LDLRAD3: variants seen among roughly 807,000 people sequenced by gnomAD.
LDLRAD3 encodes the protein low density lipoprotein receptor class A domain containing 3.
Under a neutral mutation model 29.4 loss-of-function variants are expected in LDLRAD3, and 20 were observed. The ratio of observed to expected loss-of-function variants is 0.68; its 90% CI spans 0.48 to 0.99. The LOEUF (loss-of-function observed/expected upper bound fraction) is 0.99, where lower values mean the gene tolerates loss of function less well. Among genes scored for constraint, LDLRAD3 ranks in the 50% least tolerant of loss-of-function variants. LDLRAD3 has a pLI of 0.00. For missense variants in LDLRAD3, 420 were observed against 454.3 expected, an observed-to-expected ratio of 0.92 and a Z score of 0.69; for synonymous variants, 157 against 192.7, an observed-to-expected ratio of 0.81 and a Z score of 1.53.
intron 4 of LDLRAD3, among the ~76,000 whole-genome samples, chr11:36,219,059 G>A (rs1855391505): frequency 6.6e-6 from 1 of 152,242 alleles, no homozygotes; most frequent in Admixed American, 6.5e-5. Flanking sequence ...AATCTGACCT[G>A]CTACCTGTTT....
In LDLRAD3 at chr11:36,229,576, T is replaced by A. The variant is rs1044137130; in HGVS notation, c.*179T>A. On this transcript the variant is annotated 3_prime_UTR_variant, in exon 6 of 6. Coordinates refer to ENST00000315571, the MANE Select transcript of LDLRAD3 (RefSeq NM_174902.4). ...AGACTTCAGAGATGTTTTTCTGGCG[T>A]CTCAGTTGACATGATCTGTTGTGCG... is the stretch of plus-strand genomic sequence containing the variant. The A allele has an allele frequency of 3.5e-6, 2 of 578,536 alleles. No homozygotes were observed. Among genetic ancestry groups the A allele is most frequent in the African/African-American group, 3.7e-5 (2 of 54,022 alleles). The allele number at this position is 578,536 out of a possible 1,614,324, so 35.8% of individuals were successfully genotyped here.
At chr11:36,022,865 A>T (rs924688392) in intron 1 of LDLRAD3, among the ~76,000 whole-genome samples, 5 of 152,224 alleles carry the variant, frequency 3.3e-5, no homozygotes, top group African/African-American at 1.2e-4. Context: ...TTGCAAAGGT[A>T]AATTGCTTGC....
chr11:36,107,713 C>G (rs1459754498), intron 4 of LDLRAD3, among the ~76,000 whole-genome samples: 3 of 152,138 alleles, frequency 2.0e-5, no homozygotes, highest in Admixed American at 2.0e-4. Flanking sequence ...GCAGGCTGTA[C>G]CATATAACCT....
chr11:36,012,225 C>T (rs1851964736), intron 1 of LDLRAD3, among the ~76,000 whole-genome samples: 1 of 152,178 alleles, frequency 6.6e-6, no homozygotes, highest in Non-Finnish European at 1.5e-5. Context: ...GTTCCACCTA[C>T]AAATTTAATG....
chr11:36,076,783 T>C (rs1234274083), intron 2 of LDLRAD3, among the ~76,000 whole-genome samples: 1 of 152,192 alleles, frequency 6.6e-6, no homozygotes, highest in Admixed American at 6.5e-5. Flanking sequence ...CAGAAGACAG[T>C]TTCAGAATTG....
intron 2 of LDLRAD3, among the ~76,000 whole-genome samples, chr11:36,038,235 G>T (rs1396643594): frequency 6.6e-6 from 1 of 152,092 alleles, no homozygotes; most frequent in Non-Finnish European, 1.5e-5. Context: ...GTATTATTAT[G>T]TCTATTTTAG....
chr11:36,156,873 A>C (rs1854360843), intron 4 of LDLRAD3, among the ~76,000 whole-genome samples: 1 of 152,250 alleles, frequency 6.6e-6, no homozygotes, highest in African/African-American at 2.4e-5. Context: ...ATCTGAATTC[A>C]TTTGGGAGAA....
intron 4 of LDLRAD3, among the ~76,000 whole-genome samples, chr11:36,165,984 T>G (rs112054987): frequency 0.02 from 2,332 of 116,278 alleles, 84 homozygotes; most frequent in African/African-American, 0.066. Context: ...CTCCCTTCCT[T>G]CCTTCCTTCC....
At chr11:36,022,195 C>T (rs527425307) in intron 1 of LDLRAD3, among the ~76,000 whole-genome samples, 1 of 152,312 alleles carries the variant, frequency 6.6e-6, no homozygotes, top group South Asian at 2.1e-4. Flanking sequence ...GATCCTTTTA[C>T]ACTTCAGATC....
chr11:36,073,158 C>CT (rs1177891926), intron 2 of LDLRAD3, among the ~76,000 whole-genome samples: 1 of 152,160 alleles, frequency 6.6e-6, no homozygotes, highest in Non-Finnish European at 1.5e-5. Context: ...CTCTCATCTA[C>CT]TTTTTTTATT....
chr11:36,013,043 G>A (rs1851975134), intron 1 of LDLRAD3, among the ~76,000 whole-genome samples: 1 of 152,168 alleles, frequency 6.6e-6, no homozygotes, highest in Non-Finnish European at 1.5e-5. Context: ...ATTATATTTG[G>A]TATATTTAGA....
chr11:36,150,284 T>G lies in LDLRAD3; in HGVS notation c.454+51823T>G, dbSNP rs575805338. Among the ~76,000 whole-genome samples the G allele has an allele frequency of 5.3e-5, 8 of 152,218 alleles. No individual in the cohort carries two copies. The South Asian group carries it at 1.7e-3, about 32-fold the overall frequency. ...GGCTCACACGTGTAATCTCAACACT[T>G]TGGGAGGCTGAGGCAGCAGGATCAC... On this transcript the variant is annotated intron_variant, in intron 4 of 5. Coordinates refer to ENST00000315571, the MANE Select transcript of LDLRAD3 (RefSeq NM_174902.4).
chr11:36,201,463 G>GT (rs1445339232), intron 4 of LDLRAD3, among the ~76,000 whole-genome samples: 71 of 152,244 alleles, frequency 4.7e-4, no homozygotes, highest in Non-Finnish European at 6.6e-4. Flanking sequence ...TTTTTGTGGG[G>GT]TTTTTTGTAT....
intron 4 of LDLRAD3, among the ~76,000 whole-genome samples, chr11:36,116,026 G>C (rs1332651400): frequency 1.9e-4 from 29 of 152,174 alleles, no homozygotes; most frequent in Admixed American, 1.9e-3. Context: ...CTGTGATTTT[G>C]AGCAAGTTAC....
intron 4 of LDLRAD3, among the ~76,000 whole-genome samples, chr11:36,205,980 T>G (rs1303376910): frequency 6.6e-6 from 1 of 152,166 alleles, no homozygotes; most frequent in Non-Finnish European, 1.5e-5. Flanking sequence ...TTGCTCTGGG[T>G]GGAAGTATCA....
intron 4 of LDLRAD3, among the ~76,000 whole-genome samples, chr11:36,113,200 T>C (rs552988180): frequency 1.3e-5 from 2 of 152,100 alleles, no homozygotes; most frequent in African/African-American, 2.4e-5. Flanking sequence ...AGTTAGAACA[T>C]AGGGTAAGCT....
At chr11:36,145,385 G>T (rs1590306725) in intron 4 of LDLRAD3, among the ~76,000 whole-genome samples, 1 of 101,358 alleles carries the variant, frequency 9.9e-6, no homozygotes, top group Non-Finnish European at 2.0e-5. Context: ...GGGAGGTGGG[G>T]GGGTCAGCCC....
chr11:36,216,793 A>G (rs1855358468), intron 4 of LDLRAD3, among the ~76,000 whole-genome samples: 1 of 152,232 alleles, frequency 6.6e-6, no homozygotes. Context: ...ATCCCACAGA[A>G]GACACTTCCA....
At chr11:36,037,110 A>T (rs767006769) in intron 2 of LDLRAD3, among the ~76,000 whole-genome samples, 35 of 152,258 alleles carry the variant, frequency 2.3e-4, no homozygotes, top group African/African-American at 7.5e-4. Flanking sequence ...GGTAGGAAGC[A>T]TGACTGACAA....
Sources: allele counts gnomAD v4.1 joint callset (sites outside exome capture counted in the v4.1 genomes callset), GRCh38; gene constraint gnomAD v4.1.1; transcripts MANE v1.5; gene names NCBI Gene and HGNC (gene_info 2026-07-23, HGNC 2026-07-21).